The following DTWD2 variants were observed in gnomAD, a reference collection of about 807,000 sequenced individuals.
DTWD2 encodes DTW motif tRNA-uridine aminocarboxypropyltransferase 2.
In DTWD2, 39 loss-of-function variants were observed where a neutral mutation model predicts 31.8. The observed-to-expected ratio is 1.22, with a 90% CI of 0.95 to 1.60. The LOEUF (loss-of-function observed/expected upper bound fraction) is 1.60, where lower values mean the gene tolerates loss of function less well. DTWD2 is among the 40% of genes most tolerant of loss of function. The pLI, the probability that DTWD2 is intolerant of heterozygous loss-of-function variation, is 0.00. For synonymous variants in DTWD2, 180 were observed against 142.8 expected (o/e 1.26, Z -1.86); for missense variants, 515 against 381.5 (o/e 1.35, Z -2.92).
intron 4 of DTWD2, among the ~76,000 whole-genome samples, chr5:118,918,160 T>C (rs879695122): frequency 2.6e-5 from 4 of 152,320 alleles, no homozygotes; most frequent in Non-Finnish European, 4.4e-5. Flanking sequence ...GATTTTCAGA[T>C]GCAGCAGAGA....
chr5:118,975,402 G>A (rs114307911), intron 1 of DTWD2, among the ~76,000 whole-genome samples: 1,754 of 152,028 alleles, frequency 0.012, 32 homozygotes, highest in African/African-American at 0.04. Flanking sequence ...TCTCTAAACT[G>A]GTTATTCTAC....
chr5:118,868,556 C>T (rs1479993210), intron 4 of DTWD2, among the ~76,000 whole-genome samples: 2 of 152,026 alleles, frequency 1.3e-5, no homozygotes, highest in Admixed American at 6.6e-5. Context: ...ATTCCTACAA[C>T]TCAACAACAA....
At chr5:118,866,673 C>T (rs917237955) in intron 4 of DTWD2, among the ~76,000 whole-genome samples, 7 of 152,066 alleles carry the variant, frequency 4.6e-5, no homozygotes, top group African/African-American at 1.7e-4. Flanking sequence ...AATCCCAGCA[C>T]TTTGGGAGCC....
intron 4 of DTWD2, among the ~76,000 whole-genome samples, chr5:118,876,528 C>T (rs936437303): frequency 6.6e-6 from 1 of 152,048 alleles, no homozygotes; most frequent in African/African-American, 2.4e-5. Context: ...CAAATAAATA[C>T]AATCAGAAAC....
At chr5:118,893,017 G>C (rs1339489225) in intron 4 of DTWD2, among the ~76,000 whole-genome samples, 1 of 146,976 alleles carries the variant, frequency 6.8e-6, no homozygotes, top group East Asian at 1.9e-4. Context: ...ATATTGTTAA[G>C]TTAAAAATAT....
At chr5:118,857,097 T>C (rs987115737) in intron 4 of DTWD2, among the ~76,000 whole-genome samples, 1 of 151,988 alleles carries the variant, frequency 6.6e-6, no homozygotes, top group African/African-American at 2.4e-5. Flanking sequence ...TTACTGTTCA[T>C]GTTATAAACG....
rs1751561383 is a variant in DTWD2 at position 118,836,282 on chromosome 5, C to T, written c.*4635G>A. ...TTGAGACACTGTCTCACTCTGTCGCCCAGGCTAGAGTGCAGTGGTACATCT... is the reference window on the plus strand; with the variant it reads ...TTGAGACACTGTCTCACTCTGTCGCTCAGGCTAGAGTGCAGTGGTACATCT... On this transcript the variant is annotated 3_prime_UTR_variant, in exon 6 of 6. Transcript: ENST00000510708. 6.6e-6 allele frequency among the ~76,000 whole-genome samples: 1 copy of T among 151,870 alleles called. No homozygotes were observed. The highest frequency in any genetic ancestry group is 1.5e-5 in the Non-Finnish European group (1 of 68,000).
rs543919157 is a variant in DTWD2 at position 118,950,491 on chromosome 5, G to T, written c.219-5842C>A. The stretch of plus-strand genomic sequence containing the variant: ...TGTCAGTCTTCAGCTGCTAAGCCGA[G>T]AAGATCGGGGAAGGAGTCAGAGAGC... On this transcript the variant is annotated intron_variant, in intron 1 of 5. Coordinates refer to ENST00000510708, the MANE Select transcript of DTWD2 (RefSeq NM_173666.4). Among the ~76,000 whole-genome samples the T allele has an allele frequency of 3.3e-5, 5 of 152,318 alleles. No individual in the cohort carries two copies. The East Asian group carries it at 5.8e-4, about 18-fold the overall frequency.
chr5:118,879,545 G>A (rs1441139361), intron 4 of DTWD2, among the ~76,000 whole-genome samples: 19 of 151,098 alleles, frequency 1.3e-4, no homozygotes, highest in African/African-American at 4.4e-4. Context: ...AGGAGGCAGA[G>A]GTTGCAGTGA....
intron 4 of DTWD2, among the ~76,000 whole-genome samples, chr5:118,860,198 A>G (rs947669227): frequency 1.1e-4 from 17 of 149,606 alleles, no homozygotes; most frequent in African/African-American, 3.9e-4. Context: ...ATATAAAAGC[A>G]TAGTATGTTT....
intron 4 of DTWD2, among the ~76,000 whole-genome samples, chr5:118,884,007 T>C (rs1752800352): frequency 1.3e-5 from 2 of 152,326 alleles, no homozygotes; most frequent in African/African-American, 2.4e-5. Context: ...TTTGTAAATT[T>C]GTAAAAGCTC....
rs1471616875 is a variant in DTWD2 at position 118,973,082 on chromosome 5, T to C, written c.218+15212A>G. ...CAGAAACTAGGATTGCAACCCCCTT[T>C]TTTTTTTTTTTTTTTGGCTTTCCAT... On this transcript the variant is annotated intron_variant, in intron 1 of 5. Coordinates refer to ENST00000510708, the MANE Select transcript of DTWD2 (RefSeq NM_173666.4). Among the ~76,000 whole-genome samples, 51 of 147,952 alleles carry C rather than the reference T, an allele frequency of 3.4e-4. 2 individuals are homozygous for C. Among genetic ancestry groups the C allele is most frequent in the Non-Finnish European group, 4.0e-4 (27 of 67,242 alleles).
In DTWD2 at chr5:118,903,132, T is replaced by C. The variant is rs557210128; in HGVS notation, c.597+25405A>G. Among the ~76,000 whole-genome samples, 780 of 146,078 alleles carry C rather than the reference T, an allele frequency of 5.3e-3. 7 individuals carry two copies. Among genetic ancestry groups the C allele is most frequent in the African/African-American group, 0.02 (735 of 36,624 alleles). ...CCAAAAATTTGTTTATTAATATTCATTGTGCTAAAATGGTAAAAAAAAAAA... is the reference window on the plus strand; with the variant it reads ...CCAAAAATTTGTTTATTAATATTCACTGTGCTAAAATGGTAAAAAAAAAAA... On this transcript the variant is annotated intron_variant, in intron 4 of 5. Coordinates refer to ENST00000510708, the MANE Select transcript of DTWD2 (RefSeq NM_173666.4).
Position 118,858,786 on chromosome 5 carries a change from CTAGT to C in DTWD2, c.598-10572_598-10569del, listed in dbSNP as rs1752194704. Among the ~76,000 whole-genome samples the C allele has an allele frequency of 3.3e-5, 5 of 152,234 alleles. No individual in the cohort carries two copies. The South Asian group carries it at 1.0e-3, about 32-fold the overall frequency. ...ACCTAACAGAATTAGCAATTATACC[CTAGT>C]ATCATCAAACAAATTTCTCAACTGT... On this transcript the variant is annotated intron_variant, in intron 4 of 5. Transcript: ENST00000510708.
At chr5:118,881,964 G>A (rs184236836) in intron 4 of DTWD2, among the ~76,000 whole-genome samples, 20 of 152,176 alleles carry the variant, frequency 1.3e-4, no homozygotes, top group Admixed American at 7.2e-4. Context: ...AGCCAATCTC[G>A]CCTTCATAAC....
intron 4 of DTWD2, among the ~76,000 whole-genome samples, chr5:118,898,032 T>C (rs1193244538): frequency 2.6e-5 from 4 of 151,716 alleles, no homozygotes; most frequent in African/African-American, 9.7e-5. Context: ...CCCAGCTAAT[T>C]TTTTAAACTT....
intron 5 of DTWD2, among the ~76,000 whole-genome samples, chr5:118,842,436 G>A (rs1285168869): frequency 6.6e-6 from 1 of 152,136 alleles, no homozygotes; most frequent in Non-Finnish European, 1.5e-5. Flanking sequence ...CAAGCATCAT[G>A]TGACTACTAG....
chr5:118,852,296 A>T (rs1425762426), intron 4 of DTWD2, among the ~76,000 whole-genome samples: 1 of 152,196 alleles, frequency 6.6e-6, no homozygotes, highest in Non-Finnish European at 1.5e-5. Context: ...TGTACAGTTA[A>T]CGCAATCATC....
intron 4 of DTWD2, among the ~76,000 whole-genome samples, chr5:118,901,515 C>T (rs543919692): frequency 5.3e-5 from 8 of 152,218 alleles, no homozygotes; most frequent in Middle Eastern, 3.4e-3. Context: ...GCTATCTTGC[C>T]TAAGTCACAA....
Sources: gnomAD v4.1 joint callset for allele counts (sites outside exome capture counted in the v4.1 genomes callset) on GRCh38, gnomAD v4.1.1 for gene constraint, MANE v1.5 for transcripts, NCBI Gene and HGNC (gene_info 2026-07-23, HGNC 2026-07-21) for gene names.